ESYT2: variants seen among roughly 807,000 people sequenced by gnomAD.
ESYT2 encodes the protein extended synaptotagmin 2.
A neutral mutation model predicts 107.2 loss-of-function variants in ESYT2; 54 were observed. The observed-to-expected ratio is 0.50, with a 90% CI of 0.40 to 0.63. ESYT2 has a LOEUF of 0.63. Ranked by LOEUF, ESYT2 falls within the 30% of genes least tolerant of loss-of-function variation. The pLI, the probability that ESYT2 is intolerant of heterozygous loss-of-function variation, is 0.00. For missense variants in ESYT2, 1,020 were observed against 1,094.5 expected (o/e 0.93, Z 0.96); for synonymous variants, 491 against 434.1 (o/e 1.13, Z -1.63).
chr7:158,812,436 A>G (rs1362638964), intron 1 of ESYT2, among the ~76,000 whole-genome samples: 1 of 152,210 alleles, frequency 6.6e-6, no homozygotes, highest in African/African-American at 2.4e-5. Context: ...TAGGACAGCA[A>G]TAACAATAAA....
At position 158,788,110 on chromosome 7, in the gene ESYT2, A is replaced by C. The variant is rs764358121; in HGVS notation, c.658-17T>G. On this transcript the variant is annotated splice_polypyrimidine_tract_variant and intron_variant, in intron 5 of 22. Coordinates refer to ENST00000275418, the MANE Select transcript of ESYT2 (RefSeq NM_001367773.1). ...ACCATGAATCTAAACTCAAACAGGAAACCAAAATATGTAATAGAAAACATT... is the reference window on the plus strand; with the variant it reads ...ACCATGAATCTAAACTCAAACAGGACACCAAAATATGTAATAGAAAACATT... 8 of 1,602,768 alleles carry C rather than the reference A, an allele frequency of 5.0e-6. No individual in the cohort carries two copies. The East Asian group carries it at 1.8e-4, about 36-fold the overall frequency.
intron 1 of ESYT2, among the ~76,000 whole-genome samples, chr7:158,804,982 G>T (rs550733782): frequency 6.6e-6 from 1 of 152,150 alleles, no homozygotes; most frequent in South Asian, 2.1e-4. Flanking sequence ...ATGAGAAAAA[G>T]TATTAGGGAC....
At chr7:158,823,687 CATTT>C (rs1268755644) in intron 1 of ESYT2, among the ~76,000 whole-genome samples, 4 of 152,074 alleles carry the variant, frequency 2.6e-5, no homozygotes, top group African/African-American at 9.7e-5. Context: ...TCAATGCACT[CATTT>C]AAAGTAAACA....
intron 13 of ESYT2, among the ~76,000 whole-genome samples, chr7:158,753,207 TTA>T (rs1161647813): frequency 2.6e-5 from 4 of 152,182 alleles, no homozygotes; most frequent in African/African-American, 9.7e-5. Flanking sequence ...CCAATCATAA[TTA>T]AAGGTTTTAT....
At chr7:158,734,820 C>G (rs141356969) in intron 21 of ESYT2, among the ~76,000 whole-genome samples, 1 of 152,326 alleles carries the variant, frequency 6.6e-6, no homozygotes, top group African/African-American at 2.4e-5. Context: ...TAGGCTAAGA[C>G]AATGTCTTTT....
chr7:158,739,700 C>T (rs1047203583), intron 18 of ESYT2, among the ~76,000 whole-genome samples: 1 of 152,062 alleles, frequency 6.6e-6, no homozygotes, highest in Non-Finnish European at 1.5e-5. Context: ...AATCCTAAGC[C>T]CCCACCCCAC....
At chr7:158,801,997 G>C (rs923401652) in intron 1 of ESYT2, among the ~76,000 whole-genome samples, 2 of 152,124 alleles carry the variant, frequency 1.3e-5, no homozygotes, top group African/African-American at 4.8e-5. Context: ...AACGCCTCGG[G>C]GGAACAGGTA....
At position 158,734,424 on chromosome 7, in the gene ESYT2, C is replaced by T. The variant is rs1279534699; in HGVS notation, c.2553G>A (p.Gln851=). 1 of 1,613,830 alleles carries T rather than the reference C, an allele frequency of 6.2e-7. No homozygotes were observed. Among genetic ancestry groups the T allele is most frequent in the African/African-American group, 1.3e-5 (1 of 74,938 alleles). ...ASEELAKGWT[Q]WYDLTEDGTR... ...CTGTCTGCAGCAGGGACACTCACCA[C>T]TGGGTCCAGCCTTTGGCAAGTTCTT... The change falls in exon 22 of 23, where the codon CAG becomes CAA. Residue 851 remains glutamine, a splice_region_variant and synonymous_variant. Coordinates refer to ENST00000275418, the MANE Select transcript of ESYT2 (RefSeq NM_001367773.1).
chr7:158,745,183 GC>G (rs1161606116), intron 16 of ESYT2, among the ~76,000 whole-genome samples: 10 of 150,220 alleles, frequency 6.7e-5, no homozygotes, highest in East Asian at 3.9e-4. Context: ...GGTCTCCTAG[GC>G]CCGGCTGTTC....
intron 10 of ESYT2, among the ~76,000 whole-genome samples, chr7:158,761,929 C>G (rs1197241464): frequency 6.6e-6 from 1 of 152,142 alleles, no homozygotes; most frequent in South Asian, 2.1e-4. Context: ...CCTCTTGGAA[C>G]GTCTTATTTT....
chr7:158,740,924 G>C (rs1837173978), intron 18 of ESYT2, among the ~76,000 whole-genome samples: 1 of 152,024 alleles, frequency 6.6e-6, no homozygotes. Flanking sequence ...TATTTCAAAG[G>C]TCAATTTTGT....
At chr7:158,781,267 G>A (rs1244992100) in intron 6 of ESYT2, among the ~76,000 whole-genome samples, 1 of 148,032 alleles carries the variant, frequency 6.8e-6, no homozygotes, top group East Asian at 2.0e-4. Context: ...GAGTGAACAA[G>A]TGAGTGAACG....
intron 1 of ESYT2, 78 bp downstream of exon 1, chr7:158,829,011 G>A: frequency 3.3e-6 from 5 of 1,521,128 alleles, no homozygotes; most frequent in Non-Finnish European, 4.4e-6. Context: ...CAGGTCGCGG[G>A]GAGGGGAGTG....
chr7:158,777,982 T>C (rs1367903167), intron 6 of ESYT2, among the ~76,000 whole-genome samples: 1 of 152,174 alleles, frequency 6.6e-6, no homozygotes, highest in Non-Finnish European at 1.5e-5. Flanking sequence ...AACTTTCAAC[T>C]AGTAAAAACA....
chr7:158,798,646 CAAAAAAAAAAA>C (rs57351086), intron 2 of ESYT2, among the ~76,000 whole-genome samples: 5 of 49,852 alleles, frequency 1.0e-4, no homozygotes, highest in Admixed American at 7.2e-4. Flanking sequence ...AGCTCCGTCT[CAAAAAAAAAAA>C]AAAAAAAAAA....
chr7:158,826,659 A>G (rs920109024), intron 1 of ESYT2, among the ~76,000 whole-genome samples: 1 of 151,478 alleles, frequency 6.6e-6, no homozygotes, highest in African/African-American at 2.4e-5. Context: ...AGTCTCTACT[A>G]AAAATACAAA....
At position 158,743,644 on chromosome 7, in the gene ESYT2, T is replaced by C. The variant is rs761471343; in HGVS notation, c.1679A>G (p.Asn560Ser). The C allele has an allele frequency of 1.7e-5, 27 of 1,613,062 alleles. No homozygotes were observed. Among genetic ancestry groups the C allele is most frequent in the Non-Finnish European group, 2.2e-5 (26 of 1,179,762 alleles). ...RDEQHQCSLG[N>S]LKVPLSQLLT... ...CAGCTGGCTGAGGGGGACCTTCAGGTTCCCCAGGGAACACTGGTGCTGCTC... is the reference window on the plus strand; with the variant it reads ...CAGCTGGCTGAGGGGGACCTTCAGGCTCCCCAGGGAACACTGGTGCTGCTC... The change falls in exon 17 of 23, where the codon AAC becomes AGC. Residue 560 changes from asparagine (N) to serine (S), a missense_variant. Transcript: ENST00000275418.
intron 6 of ESYT2, among the ~76,000 whole-genome samples, chr7:158,781,404 G>GA (rs1838797715): frequency 7.0e-6 from 1 of 143,796 alleles, no homozygotes; most frequent in Non-Finnish European, 1.5e-5. Context: ...AACAAAGTGT[G>GA]AGGTGTGAGT....
chr7:158,804,951 T>A (rs1241324813), intron 1 of ESYT2, among the ~76,000 whole-genome samples: 1 of 152,214 alleles, frequency 6.6e-6, no homozygotes, highest in Non-Finnish European at 1.5e-5. Flanking sequence ...CAGAGCCACC[T>A]CTTCATATTA....
Sources: allele counts gnomAD v4.1 joint callset (sites outside exome capture counted in the v4.1 genomes callset), GRCh38; gene constraint gnomAD v4.1.1; transcripts MANE v1.5; gene names NCBI Gene and HGNC (gene_info 2026-07-23, HGNC 2026-07-21).